CSMD1: variants seen among roughly 807,000 people sequenced by gnomAD.
CSMD1 encodes CUB and Sushi multiple domains 1.
CSMD1 carries 213 observed loss-of-function variants against 417.5 expected under a neutral mutation model. That is an observed-to-expected ratio of 0.51 (90% CI 0.46 to 0.57). The LOEUF is 0.57. CSMD1 is among the 20% of genes least tolerant of loss of function. CSMD1 has a pLI of 0.00. For missense variants in CSMD1, 6,923 were observed against 4,529.7 expected (o/e 1.53, Z -15.17); for synonymous variants, 2,862 against 1,736.8 (o/e 1.65, Z -16.11).
intron 37 of CSMD1, among the ~76,000 whole-genome samples, chr8:3,180,613 C>T (rs1423066111): frequency 6.6e-6 from 1 of 151,938 alleles, no homozygotes; most frequent in Non-Finnish European, 1.5e-5. Context: ...ATTAATTTGT[C>T]TCTCATAATG....
At chr8:3,900,635 C>A (rs1437811539) in intron 5 of CSMD1, among the ~76,000 whole-genome samples, 1 of 151,808 alleles carries the variant, frequency 6.6e-6, no homozygotes, top group African/African-American at 2.4e-5. Context: ...GGTAACAGTG[C>A]AGCTAGATGA....
intron 3 of CSMD1, among the ~76,000 whole-genome samples, chr8:4,298,957 T>C (rs1476378328): frequency 6.6e-6 from 1 of 152,122 alleles, no homozygotes; most frequent in Non-Finnish European, 1.5e-5. Context: ...ATATATGTCA[T>C]ATATAATAGA....
intron 3 of CSMD1, among the ~76,000 whole-genome samples, chr8:4,387,199 G>T (rs1563120280): frequency 6.6e-6 from 1 of 152,294 alleles, no homozygotes; most frequent in East Asian, 1.9e-4. Flanking sequence ...AGGTATCTGA[G>T]TGTCACTCAC....
intron 2 of CSMD1, among the ~76,000 whole-genome samples, chr8:4,550,819 G>C (rs1797838862): frequency 6.6e-6 from 1 of 152,162 alleles, no homozygotes; most frequent in East Asian, 1.9e-4. Flanking sequence ...ACCACCAATT[G>C]GTCCAAGTCG....
intron 10 of CSMD1, among the ~76,000 whole-genome samples, chr8:3,554,717 G>T (rs1230214819): frequency 6.6e-6 from 1 of 152,190 alleles, no homozygotes; most frequent in Non-Finnish European, 1.5e-5. Context: ...TCAGAATGTT[G>T]AGAGCTTCAG....
intron 2 of CSMD1, among the ~76,000 whole-genome samples, chr8:4,433,777 A>T (rs1210934824): frequency 6.6e-6 from 1 of 152,164 alleles, no homozygotes; most frequent in Admixed American, 6.6e-5. Flanking sequence ...ATGGAGTTTA[A>T]AATTTGTGTC....
At chr8:3,640,726 T>C (rs11136649) in intron 7 of CSMD1, among the ~76,000 whole-genome samples, 50,893 of 152,130 alleles carry the variant, frequency 0.33, 9,997 homozygotes, top group Middle Eastern at 0.49. Flanking sequence ...AGAAACCATG[T>C]TGTCCCTGAA....
At chr8:4,164,952 T>C in intron 3 of CSMD1, among the ~76,000 whole-genome samples, 1 of 152,086 alleles carries the variant, frequency 6.6e-6, no homozygotes, top group Non-Finnish European at 1.5e-5. Context: ...TCATTATCTG[T>C]TTCAACTGAG....
At chr8:4,243,798 T>A (rs987914989) in intron 3 of CSMD1, among the ~76,000 whole-genome samples, 4 of 152,188 alleles carry the variant, frequency 2.6e-5, no homozygotes, top group Non-Finnish European at 5.9e-5. Flanking sequence ...AAGCAAATCA[T>A]GACAAGGTCA....
At chr8:4,989,648 C>A (rs1811361036) in intron 1 of CSMD1, among the ~76,000 whole-genome samples, 1 of 152,176 alleles carries the variant, frequency 6.6e-6, no homozygotes, top group Non-Finnish European at 1.5e-5. Flanking sequence ...GCTTAAATTG[C>A]ATGTATGCAA....
chr8:4,882,452 T>C (rs10105204), intron 1 of CSMD1, among the ~76,000 whole-genome samples: 124,619 of 151,068 alleles, frequency 0.82, 52,162 homozygotes, highest in East Asian at 0.96. Context: ...TTGAAGAGTA[T>C]TGGGGGGCGA....
At chr8:3,472,627 T>G (rs1008151014) in intron 11 of CSMD1, among the ~76,000 whole-genome samples, 8 of 152,076 alleles carry the variant, frequency 5.3e-5, no homozygotes, top group African/African-American at 1.9e-4. Flanking sequence ...ACTAGACACA[T>G]GGTGCCACAT....
At chr8:4,295,709 G>C (rs540003435) in intron 3 of CSMD1, among the ~76,000 whole-genome samples, 11 of 139,720 alleles carry the variant, frequency 7.9e-5, no homozygotes, top group African/African-American at 2.6e-4. Flanking sequence ...TATATATTGT[G>C]TTAAAATTAT....
intron 6 of CSMD1, among the ~76,000 whole-genome samples, chr8:3,745,964 T>C (rs909759183): frequency 2.0e-5 from 3 of 152,164 alleles, no homozygotes; most frequent in African/African-American, 7.2e-5. Context: ...GACCAGTTGG[T>C]CAATGTAAAT....
At chr8:3,306,672 TAATTGAAGGAAA>T (rs1159140243) in intron 25 of CSMD1, among the ~76,000 whole-genome samples, 2 of 151,248 alleles carry the variant, frequency 1.3e-5, no homozygotes, top group Non-Finnish European at 2.9e-5. Context: ...ACAGAAAGGT[TAATTGAAGGAAA>T]AATACATTTT....
chr8:3,636,345 T>C (rs1797045858), intron 7 of CSMD1, among the ~76,000 whole-genome samples: 1 of 152,154 alleles, frequency 6.6e-6, no homozygotes, highest in African/African-American at 2.4e-5. Flanking sequence ...GCCTGGCTAA[T>C]TTTTGGATTT....
At chr8:3,955,591 G>T (rs1309480282) in intron 5 of CSMD1, among the ~76,000 whole-genome samples, 1 of 152,202 alleles carries the variant, frequency 6.6e-6, no homozygotes, top group African/African-American at 2.4e-5. Context: ...GGTGCTACCT[G>T]CCCTGCTCCA....
intron 5 of CSMD1, among the ~76,000 whole-genome samples, chr8:3,875,079 G>A (rs6996498): frequency 0.3 from 45,415 of 151,818 alleles, 6,931 homozygotes; most frequent in East Asian, 0.44. Flanking sequence ...GACACAGAAA[G>A]GTGCCTGGGG....
Position 4,739,076 on chromosome 8 carries a change from GCA to G in CSMD1, c.86-101520_86-101519del, listed in dbSNP as rs533898998. Among the ~76,000 whole-genome samples, 429 of 151,872 alleles carry G rather than the reference GCA, an allele frequency of 2.8e-3. 4 individuals are homozygous for G. Among genetic ancestry groups the G allele is most frequent in the African/African-American group, 9.3e-3 (387 of 41,472 alleles). ...ATATTCTTTTTAAACACACACATGTGCACACACACATACATGTGAACATACAC... is the reference window on the plus strand; with the variant it reads ...ATATTCTTTTTAAACACACACATGTGCACACACATACATGTGAACATACAC... On this transcript the variant is annotated intron_variant, in intron 1 of 69. Coordinates refer to ENST00000635120, the MANE Select transcript of CSMD1 (RefSeq NM_033225.6).
Sources: gnomAD v4.1 joint callset for allele counts (sites outside exome capture counted in the v4.1 genomes callset) on GRCh38, gnomAD v4.1.1 for gene constraint, MANE v1.5 for transcripts, NCBI Gene and HGNC (gene_info 2026-07-23, HGNC 2026-07-21) for gene names.